Variants in SRD5A3 observed in about 807,000 individuals in gnomAD.
The protein encoded by SRD5A3 is polyprenal reductase.
A neutral mutation model predicts 34.3 loss-of-function variants in SRD5A3; 24 were observed. The observed-to-expected ratio is 0.70, with a 90% CI of 0.51 to 0.99. SRD5A3 has a LOEUF of 0.99. Among genes scored for constraint, SRD5A3 ranks in the 50% least tolerant of loss-of-function variants. The pLI, the probability that SRD5A3 is intolerant of heterozygous loss-of-function variation, is 0.00. For synonymous variants in SRD5A3, 161 were observed against 167.3 expected (o/e 0.96, Z 0.29); for missense variants, 350 against 388.2 (o/e 0.90, Z 0.83).
chr4:55,350,759 AATT>A (rs1202505572), intron 1 of SRD5A3, among the ~76,000 whole-genome samples: 21 of 114,436 alleles, frequency 1.8e-4, no homozygotes, highest in Admixed American at 6.5e-4. Context: ...ACCATCATTA[AATT>A]TTTTTTTTTT....
At chr4:55,366,373 C>T (rs1400398822) in intron 3 of SRD5A3, among the ~76,000 whole-genome samples, 1 of 152,146 alleles carries the variant, frequency 6.6e-6, no homozygotes, top group Non-Finnish European at 1.5e-5. Context: ...GAGACAGGTT[C>T]TCGCTATGTT....
At chr4:55,360,361 C>T (rs967854512) in intron 2 of SRD5A3, among the ~76,000 whole-genome samples, 1 of 151,740 alleles carries the variant, frequency 6.6e-6, no homozygotes, top group Admixed American at 6.6e-5. Context: ...ACAAAAATAG[C>T]TGGGTGTGGT....
rs1047734235 is a variant in SRD5A3, at chr4:55,352,704, T to C, written c.221+6147T>C. Among the ~76,000 whole-genome samples, 3 of 152,274 alleles carry C rather than the reference T, an allele frequency of 2.0e-5. No individual in the cohort carries two copies. In the East Asian group the frequency reaches 5.8e-4, roughly 29 times the overall value. ...AGTAACTTTGGAAGAGATGCTTACC[T>C]TCTCTCATTCATTTATTTAACCAGT... On this transcript the variant is annotated intron_variant, in intron 1 of 4. Transcript: ENST00000264228.
At chr4:55,365,123 C>G (rs1189779577) in intron 3 of SRD5A3, among the ~76,000 whole-genome samples, 2 of 152,154 alleles carry the variant, frequency 1.3e-5, no homozygotes, top group Non-Finnish European at 2.9e-5. Flanking sequence ...CCTGACCTTG[C>G]AGCCTTAGTA....
intron 1 of SRD5A3, among the ~76,000 whole-genome samples, chr4:55,347,386 T>C (rs1719034894): frequency 6.6e-6 from 1 of 152,172 alleles, no homozygotes. Context: ...CCCAGCACTT[T>C]AGGAGGCTGA....
Position 55,370,488 on chromosome 4 carries a change from A to T in SRD5A3, c.*397A>T. 1 of 276,850 alleles carries T rather than the reference A, an allele frequency of 3.6e-6. No individual in the cohort carries two copies. Among genetic ancestry groups the T allele is most frequent in the Non-Finnish European group, 6.9e-6 (1 of 144,450 alleles). 17.1% of individuals were successfully genotyped at this position (276,850 alleles called of 1,614,324 possible). ...ACACACACACAAAGGAAGATCATCA[A>T]TGGCTGCGGTAGCCTAGTAGGAATG... On this transcript the variant is annotated 3_prime_UTR_variant, in exon 5 of 5. Coordinates refer to ENST00000264228, the MANE Select transcript of SRD5A3 (RefSeq NM_024592.5).
At chr4:55,354,865 G>C (rs1343212427) in intron 1 of SRD5A3, among the ~76,000 whole-genome samples, 1 of 152,270 alleles carries the variant, frequency 6.6e-6, no homozygotes, top group African/African-American at 2.4e-5. Context: ...ATGAAGGCAG[G>C]AATTGTCTGT....
intron 1 of SRD5A3, among the ~76,000 whole-genome samples, chr4:55,355,275 G>A (rs1719408642): frequency 1.3e-5 from 2 of 152,074 alleles, no homozygotes; most frequent in African/African-American, 2.4e-5. Flanking sequence ...TGGCTAACAC[G>A]GTGAAACCCC....
At chr4:55,367,446 C>T in intron 3 of SRD5A3, 142 bp from the exon 4 acceptor site, 1 of 958,984 alleles carries the variant, frequency 1.0e-6, no homozygotes. Context: ...AACAGGTTCC[C>T]CTCTTTGTAC....
intron 1 of SRD5A3, among the ~76,000 whole-genome samples, chr4:55,350,494 T>G (rs986205884): frequency 6.6e-6 from 1 of 152,012 alleles, no homozygotes; most frequent in Non-Finnish European, 1.5e-5. Context: ...CTTGTATAAT[T>G]TTTTTTTGTA....
At chr4:55,363,930 G>A in intron 2 of SRD5A3, 144 bp from the exon 3 acceptor site, 1 of 828,824 alleles carries the variant, frequency 1.2e-6, no homozygotes, top group Non-Finnish European at 2.1e-6. Context: ...CAAATTCCTT[G>A]ACTTCATTTG....
At chr4:55,354,817 T>TGC (rs1297014355) in intron 1 of SRD5A3, among the ~76,000 whole-genome samples, 7 of 151,432 alleles carry the variant, frequency 4.6e-5, no homozygotes, top group African/African-American at 1.2e-4. Context: ...TGTGTGTGTG[T>TGC]GCGCGCGTGC....
Position 55,349,036 on chromosome 4 carries a change from T to C in SRD5A3, c.221+2479T>C, listed in dbSNP as rs550467306. 2.0e-5 allele frequency among the ~76,000 whole-genome samples: 3 copies of C among 152,290 alleles called. No homozygotes were observed. The East Asian group carries it at 5.8e-4, about 29-fold the overall frequency. Reference sequence around the variant, plus strand: ...TCCTGTGCAAAATCTAGTAGTACTCTTTTGTTTTGTTTTTTTGAGATGGAG... The same window carrying C: ...TCCTGTGCAAAATCTAGTAGTACTCCTTTGTTTTGTTTTTTTGAGATGGAG... On this transcript the variant is annotated intron_variant, in intron 1 of 4. Transcript: ENST00000264228.
At chr4:55,347,018 C>T (rs1392386074) in intron 1 of SRD5A3, among the ~76,000 whole-genome samples, 2 of 152,230 alleles carry the variant, frequency 1.3e-5, no homozygotes, top group African/African-American at 4.8e-5. Flanking sequence ...GCCGGCTCTT[C>T]GGCCTCGGCT....
intron 1 of SRD5A3, among the ~76,000 whole-genome samples, chr4:55,357,436 G>T (rs1719510286): frequency 6.6e-6 from 1 of 152,222 alleles, no homozygotes; most frequent in Non-Finnish European, 1.5e-5. Flanking sequence ...CTTCCACTGT[G>T]CTCCACGAGG....
rs900970596 is a variant in SRD5A3, at chr4:55,359,349, T to C, written c.225T>C (p.Tyr75=). The change falls in exon 2 of 5, where the codon TAT becomes TAC. Residue 75 remains tyrosine (Y), a synonymous_variant. Transcript: ENST00000264228. ...ACRAFDVPKR[Y]FSHFYIISVL... Reference sequence around the variant, plus strand: ...CTCGCTTGTTTTCCTTTTGCAGATATTTTTCCCACTTTTATATCATCTCAG... The same window carrying C: ...CTCGCTTGTTTTCCTTTTGCAGATACTTTTCCCACTTTTATATCATCTCAG... 5 of 1,613,902 alleles carry C rather than the reference T, an allele frequency of 3.1e-6. No individual in the cohort carries two copies. Among genetic ancestry groups the C allele is most frequent in the African/African-American group, 1.3e-5 (1 of 74,918 alleles).
intron 1 of SRD5A3, among the ~76,000 whole-genome samples, chr4:55,354,091 A>G (rs1335169940): frequency 2.0e-5 from 3 of 152,034 alleles, no homozygotes; most frequent in Non-Finnish European, 4.4e-5. Flanking sequence ...AGCAGTCAGC[A>G]AATAGTTTTT....
chr4:55,364,048 T>A, intron 2 of SRD5A3, 26 bp from the exon 3 acceptor site: 1 of 1,612,936 alleles, frequency 6.2e-7, no homozygotes, highest in Non-Finnish European at 8.5e-7. Flanking sequence ...AGAGAAATGC[T>A]GACCCTGTTG....
chr4:55,351,954 T>G (rs1368634307), intron 1 of SRD5A3: 3 of 738,540 alleles, frequency 4.1e-6, no homozygotes, highest in African/African-American at 1.7e-5. Flanking sequence ...ATAAAACTTA[T>G]GCTGAATTAC....
Sources: gnomAD v4.1 joint callset for allele counts (sites outside exome capture counted in the v4.1 genomes callset) on GRCh38, gnomAD v4.1.1 for gene constraint, MANE v1.5 for transcripts, NCBI Gene and HGNC (gene_info 2026-07-23, HGNC 2026-07-21) for gene names.